WDR19: variants seen among roughly 807,000 people sequenced by gnomAD.
The protein encoded by WDR19 is WD repeat domain 19, also known as WD repeat-containing protein 19.
Under a neutral mutation model 180.0 loss-of-function variants are expected in WDR19, and 121 were observed. That is an observed-to-expected ratio of 0.67 (90% CI 0.58 to 0.78). The LOEUF is 0.78. WDR19 is among the 30% of genes least tolerant of loss of function. The pLI, the probability that WDR19 is intolerant of heterozygous loss-of-function variation, is 0.00. For missense variants in WDR19, 1,450 were observed against 1,640.7 expected (o/e 0.88, Z 2.01); for synonymous variants, 497 against 540.7 (o/e 0.92, Z 1.12).
intron 28 of WDR19, among the ~76,000 whole-genome samples, chr4:39,262,564 T>C (rs1440589477): frequency 6.6e-6 from 1 of 152,114 alleles, no homozygotes; most frequent in Non-Finnish European, 1.5e-5. Context: ...TTTATTTGAA[T>C]AGTTCAGGGC....
At chr4:39,216,356 T>C (rs1729070330) in intron 12 of WDR19, 146 bp downstream of exon 12, 1 of 717,898 alleles carries the variant, frequency 1.4e-6, no homozygotes, top group Non-Finnish European at 2.2e-6. Flanking sequence ...TTTGTAAGTC[T>C]TCTAAAAATT....
At chr4:39,184,835 A>G (rs1039576873) in intron 1 of WDR19, among the ~76,000 whole-genome samples, 1 of 152,178 alleles carries the variant, frequency 6.6e-6, no homozygotes, top group African/African-American at 2.4e-5. Flanking sequence ...ACTGAAACTC[A>G]TATTCCTAAA....
At chr4:39,246,185 T>C (rs550062858) in intron 24 of WDR19, among the ~76,000 whole-genome samples, 5 of 152,350 alleles carry the variant, frequency 3.3e-5, no homozygotes, top group African/African-American at 1.2e-4. Flanking sequence ...GTTGTCAAAA[T>C]GTGCTTATAT....
chr4:39,267,592 A>G (rs777032115), intron 29 of WDR19, among the ~76,000 whole-genome samples: 1 of 152,254 alleles, frequency 6.6e-6, no homozygotes, highest in Non-Finnish European at 1.5e-5. Flanking sequence ...TGCAAAGTTC[A>G]TATATCATGT....
At chr4:39,258,115 T>A (rs926934754) in intron 28 of WDR19, among the ~76,000 whole-genome samples, 6 of 152,202 alleles carry the variant, frequency 3.9e-5, no homozygotes, top group Admixed American at 3.9e-4. Flanking sequence ...GCATTATGTA[T>A]GCAAATGTGT....
intron 28 of WDR19, among the ~76,000 whole-genome samples, chr4:39,264,536 G>T (rs962952183): frequency 2.0e-5 from 3 of 152,172 alleles, no homozygotes; most frequent in Non-Finnish European, 4.4e-5. Flanking sequence ...TCCTCTGCCA[G>T]ACAGATAACT....
At chr4:39,211,960 A>AT (rs1211611037) in intron 9 of WDR19, among the ~76,000 whole-genome samples, 3 of 150,314 alleles carry the variant, frequency 2.0e-5, no homozygotes, top group Non-Finnish European at 2.9e-5. Context: ...AGAGAGAGAG[A>AT]GAGAGAGAGA....
chr4:39,206,017 A>T (rs777867211), intron 9 of WDR19: 4 of 244,808 alleles, frequency 1.6e-5, no homozygotes, highest in African/African-American at 9.0e-5. Context: ...AACAGAATGC[A>T]TGGAGCAGAT....
chr4:39,215,703 A>G lies in WDR19; in HGVS notation c.962-138A>G, dbSNP rs1425092586. The G allele has an allele frequency of 4.4e-6, 3 of 683,414 alleles. No homozygotes were observed. The South Asian group carries it at 1.0e-4, about 23-fold the overall frequency. 42.3% of individuals were successfully genotyped at this position (683,414 alleles called of 1,614,324 possible). A position where few individuals can be genotyped will look rare whatever the true frequency, so the allele number is the denominator to read the frequency against. ...CAATCCATGGCAAATTTCCTAGTCT[A>G]AAAAAAAAACTACTTAAACTAGTAA... On this transcript the variant is annotated intron_variant, in intron 10 of 36. Coordinates refer to ENST00000399820, the MANE Select transcript of WDR19 (RefSeq NM_025132.4).
intron 27 of WDR19, among the ~76,000 whole-genome samples, chr4:39,256,396 T>C (rs1733765966): frequency 6.6e-6 from 1 of 152,218 alleles, no homozygotes; most frequent in South Asian, 2.1e-4. Context: ...GGGGTAAAGC[T>C]GCGCTTTGTT....
intron 29 of WDR19, among the ~76,000 whole-genome samples, chr4:39,267,000 T>C (rs899007240): frequency 6.6e-6 from 1 of 152,202 alleles, no homozygotes; most frequent in Non-Finnish European, 1.5e-5. Flanking sequence ...GGAGAATTGC[T>C]TGAAGCCAGG....
chr4:39,268,155 T>C, intron 30 of WDR19, 64 bp downstream of exon 30: 1 of 1,420,466 alleles, frequency 7.0e-7, no homozygotes, highest in Non-Finnish European at 9.6e-7. Flanking sequence ...CCAGCCCCTT[T>C]TCTGTGTAGG....
At chr4:39,226,166 T>TA (rs1439742181) in intron 15 of WDR19, among the ~76,000 whole-genome samples, 1 of 152,230 alleles carries the variant, frequency 6.6e-6, no homozygotes, top group Admixed American at 6.5e-5. Flanking sequence ...AGTAGGAGGG[T>TA]AAATCAGGTA....
intron 5 of WDR19, among the ~76,000 whole-genome samples, chr4:39,195,382 A>C (rs1359759523): frequency 1.6e-5 from 2 of 127,462 alleles, no homozygotes; most frequent in Non-Finnish European, 3.4e-5. Context: ...AAAAAAACAA[A>C]AAAACAAACA....
At chr4:39,191,502 A>T (rs986432870) in intron 4 of WDR19, among the ~76,000 whole-genome samples, 16 of 152,256 alleles carry the variant, frequency 1.1e-4, no homozygotes, top group African/African-American at 3.9e-4. Flanking sequence ...AACTAAAAAT[A>T]TATTAATTCA....
chr4:39,268,373 A>G (rs557919880), intron 30 of WDR19, among the ~76,000 whole-genome samples: 149 of 151,898 alleles, frequency 9.8e-4, no homozygotes, highest in African/African-American at 3.4e-3. Flanking sequence ...GTCTCCTCTC[A>G]CCCCTCCAGC....
chr4:39,189,521 G>A, intron 3 of WDR19, 135 bp from the exon 4 acceptor site: 1 of 823,108 alleles, frequency 1.2e-6, no homozygotes, highest in Non-Finnish European at 1.7e-6. Flanking sequence ...AGTGAATAAT[G>A]AGTTGTATTT....
chr4:39,274,681 C>G, intron 32 of WDR19, 127 bp from the exon 33 acceptor site: 1 of 1,125,264 alleles, frequency 8.9e-7, no homozygotes, highest in African/African-American at 1.6e-5. Context: ...ATATCTGGTT[C>G]TTTGCAGAAA....
At chr4:39,279,222 G>C (rs1021020454) in intron 36 of WDR19, among the ~76,000 whole-genome samples, 5 of 152,206 alleles carry the variant, frequency 3.3e-5, no homozygotes, top group Non-Finnish European at 7.3e-5. Flanking sequence ...TTTACCAAAG[G>C]GAAAGGTGAA....
Sources: allele counts gnomAD v4.1 joint callset (sites outside exome capture counted in the v4.1 genomes callset), GRCh38; gene constraint gnomAD v4.1.1; transcripts MANE v1.5; gene names NCBI Gene and HGNC (gene_info 2026-07-23, HGNC 2026-07-21).